Variants in RELN observed in about 807,000 individuals in gnomAD.
RELN encodes reelin.
RELN carries 108 observed loss-of-function variants against 427.6 expected under a neutral mutation model. The ratio of observed to expected loss-of-function variants is 0.25; its 90% CI spans 0.22 to 0.30. The LOEUF (loss-of-function observed/expected upper bound fraction) is 0.30. Ranked by LOEUF, RELN falls within the 10% of genes least tolerant of loss-of-function variation. RELN has a pLI of 1.00. For synonymous variants in RELN, 1,524 were observed against 1,513.4 expected (o/e 1.01, Z -0.16); for missense variants, 3,715 against 4,302.8 (o/e 0.86, Z 3.82).
At chr7:103,898,766 G>T (rs577193555) in intron 2 of RELN, among the ~76,000 whole-genome samples, 3 of 152,010 alleles carry the variant, frequency 2.0e-5, no homozygotes, top group South Asian at 2.1e-4. Flanking sequence ...TTAGGAAATT[G>T]GTTGTTTAAA....
chr7:103,926,821 T>C (rs1374454152), intron 1 of RELN, among the ~76,000 whole-genome samples: 1 of 151,946 alleles, frequency 6.6e-6, no homozygotes, highest in African/African-American at 2.4e-5. Flanking sequence ...ATTTTTTTTG[T>C]ATTTTTAGTA....
chr7:103,504,199 G>A (rs540227620), intron 51 of RELN, among the ~76,000 whole-genome samples: 8 of 152,034 alleles, frequency 5.3e-5, no homozygotes, highest in East Asian at 1.9e-4. Context: ...GCAAGACTCC[G>A]TCTCAGAAAA....
intron 3 of RELN, among the ~76,000 whole-genome samples, chr7:103,792,115 G>T (rs1301543899): frequency 6.6e-6 from 1 of 152,116 alleles, no homozygotes; most frequent in African/African-American, 2.4e-5. Context: ...TATTGCTGGT[G>T]GGAATAAAAA....
In RELN at chr7:103,635,477, T is replaced by A; in HGVS notation, c.2413A>T (p.Ile805Leu). The stretch of plus-strand genomic sequence containing the variant: ...TAATGCTCCAGGAGTTTCCAAGTTA[T>A]CCCATTATCATAAGAATAATGCAAC... ...VLLHYSYDNG[I>L]TWKLLEHYSY... Residue 805 changes from isoleucine (I) to leucine (L), a missense_variant, in exon 19 of 65, where the codon ATA (isoleucine) becomes TTA (leucine). Ile to Leu is a conservative substitution (Grantham distance 5). This residue lies in a region of RELN where 2,208 missense variants were observed against 2,361.7 expected (regional missense o/e 0.93). Coordinates refer to ENST00000428762, the MANE Select transcript of RELN (RefSeq NM_005045.4). 6.2e-7 allele frequency: 1 copy of A among 1,614,018 alleles called. No homozygotes were observed. Among genetic ancestry groups the A allele is most frequent in the Non-Finnish European group, 8.5e-7 (1 of 1,179,934 alleles).
chr7:103,714,499 C>T (rs1011070620), intron 8 of RELN, among the ~76,000 whole-genome samples: 22 of 152,174 alleles, frequency 1.4e-4, no homozygotes, highest in African/African-American at 4.3e-4. Context: ...GTTGAGTCAA[C>T]GGTCTGCCTG....
chr7:103,933,495 A>AAGGGAGGG (rs746721889), intron 1 of RELN, among the ~76,000 whole-genome samples: 2 of 120,958 alleles, frequency 1.7e-5, no homozygotes, highest in African/African-American at 6.4e-5. Flanking sequence ...AGGAGAAAGG[A>AAGGGAGGG]AGGGAGGGAG....
At chr7:103,481,061 C>A (rs1463405387) in intron 63 of RELN, among the ~76,000 whole-genome samples, 2 of 152,182 alleles carry the variant, frequency 1.3e-5, no homozygotes, top group East Asian at 3.9e-4. Context: ...CTGACAGCCT[C>A]TAAGGCAGCA....
intron 1 of RELN, among the ~76,000 whole-genome samples, chr7:103,958,906 G>A (rs1248980352): frequency 6.6e-6 from 1 of 152,192 alleles, no homozygotes. Context: ...AAATAGATTT[G>A]AAGATGGAGA....
At position 103,603,156 on chromosome 7, in the gene RELN, A is replaced by T; in HGVS notation, c.3333+148T>A. Reference sequence around the variant, plus strand: ...GAACAACAAGAATTTCCCAAGACATAGCTAAGGAATAGGAATTTGATAGAG... The same window carrying T: ...GAACAACAAGAATTTCCCAAGACATTGCTAAGGAATAGGAATTTGATAGAG... On this transcript the variant is annotated intron_variant, in intron 24 of 64. Coordinates refer to ENST00000428762, the MANE Select transcript of RELN (RefSeq NM_005045.4). The surrounding 1 kb of genome is among the most constrained non-coding windows in gnomAD (Gnocchi z 4.3). 1.4e-6 allele frequency: 1 copy of T among 734,476 alleles called. No homozygotes were observed. Among genetic ancestry groups the T allele is most frequent in the Non-Finnish European group, 2.4e-6 (1 of 409,170 alleles). The allele number at this position is 734,476 out of a possible 1,614,324, so 45.5% of individuals were successfully genotyped here.
intron 10 of RELN, among the ~76,000 whole-genome samples, chr7:103,695,270 C>G (rs1369707916): frequency 6.6e-6 from 1 of 152,026 alleles, no homozygotes; most frequent in Non-Finnish European, 1.5e-5. Flanking sequence ...TGTAAATGAA[C>G]TAAAATGACA....
At chr7:103,472,953 G>A (rs770049940) in intron 64 of RELN, 45 bp from the exon 65 acceptor site, 40 of 1,390,766 alleles carry the variant, frequency 2.9e-5, no homozygotes, top group Non-Finnish European at 3.9e-5. Context: ...AAAGGAAAAA[G>A]AGCATGTAAG....
chr7:103,949,886 T>C (rs1796300944), intron 1 of RELN, among the ~76,000 whole-genome samples: 1 of 152,210 alleles, frequency 6.6e-6, no homozygotes, highest in African/African-American at 2.4e-5. Flanking sequence ...GTGAACTGAA[T>C]TTATATTTCT....
At chr7:103,596,704 T>A in intron 24 of RELN, 43 bp from the exon 25 acceptor site, 1 of 1,564,864 alleles carries the variant, frequency 6.4e-7, no homozygotes, top group Non-Finnish European at 8.8e-7. Context: ...ATCTGGGAGT[T>A]CTTTGGCATT....
chr7:103,677,487 C>G (rs557224895), intron 11 of RELN, among the ~76,000 whole-genome samples: 1 of 144,230 alleles, frequency 6.9e-6, no homozygotes, highest in Non-Finnish European at 1.5e-5. Context: ...TAGTGAGGGC[C>G]GGGCACGGTG....
At chr7:103,602,982 A>G (rs1346207405) in intron 24 of RELN, among the ~76,000 whole-genome samples, 1 of 152,136 alleles carries the variant, frequency 6.6e-6, no homozygotes, top group Non-Finnish European at 1.5e-5. Context: ...GAAGAGACCA[A>G]AAGCCTTCCC....
At chr7:103,744,767 T>A (rs1348047516) in intron 6 of RELN, among the ~76,000 whole-genome samples, 1 of 151,384 alleles carries the variant, frequency 6.6e-6, no homozygotes, top group East Asian at 1.9e-4. Context: ...ATTGAGGAAA[T>A]AATCAATAGC....
At chr7:103,576,962 AC>A (rs1271028911) in intron 28 of RELN, among the ~76,000 whole-genome samples, 1 of 152,180 alleles carries the variant, frequency 6.6e-6, no homozygotes, top group Non-Finnish European at 1.5e-5. Context: ...ACGCACACAC[AC>A]ACACACATAT....
rs374916288 is a variant in RELN, at chr7:103,500,738, C to T, written c.8667+7G>A. On this transcript the variant is annotated splice_region_variant and intron_variant, in intron 53 of 64. Coordinates refer to ENST00000428762, the MANE Select transcript of RELN (RefSeq NM_005045.4). ...GTAATGCGTCTTGTCCAGGGCTTTA[C>T]CCTTACCTTCAGAGTGTGGGTCAAG... 1.4e-5 allele frequency: 22 copies of T among 1,613,720 alleles called. No individual in the cohort carries two copies. The highest frequency in any genetic ancestry group is 1.4e-5 in the Non-Finnish European group (16 of 1,179,928).
intron 6 of RELN, among the ~76,000 whole-genome samples, chr7:103,742,615 G>A (rs77892741): frequency 2.6e-5 from 4 of 152,194 alleles, no homozygotes; most frequent in African/African-American, 4.8e-5. Flanking sequence ...GCTACATGAC[G>A]AATGCAGAAG....
Sources: allele counts gnomAD v4.1 joint callset (sites outside exome capture counted in the v4.1 genomes callset), GRCh38; gene constraint gnomAD v4.1.1; regional missense constraint gnomAD v4.1.1; non-coding constraint Gnocchi (gnomAD v3.1); transcripts MANE v1.5; gene names NCBI Gene and HGNC (gene_info 2026-07-23, HGNC 2026-07-21).